The following UNC13B variants were observed in gnomAD, a reference collection of about 807,000 sequenced individuals.
The protein encoded by UNC13B is protein unc-13 homolog B.
Under a neutral mutation model 211.0 loss-of-function variants are expected in UNC13B, and 144 were observed. The observed-to-expected ratio is 0.68, with a 90% CI of 0.60 to 0.78. The LOEUF is 0.78. Ranked by LOEUF, UNC13B falls within the 30% of genes least tolerant of loss-of-function variation. The pLI, the probability that UNC13B is intolerant of heterozygous loss-of-function variation, is 0.00. For missense variants in UNC13B, 1,777 were observed against 2,002.0 expected (o/e 0.89, Z 2.14); for synonymous variants, 709 against 725.8 (o/e 0.98, Z 0.37).
intron 23 of UNC13B, 151 bp downstream of exon 23, chr9:35,385,964 G>T: frequency 7.2e-7 from 1 of 1,381,118 alleles, no homozygotes; most frequent in Non-Finnish European, 9.8e-7. Flanking sequence ...GGTTACTTCT[G>T]AGAGAGCACA....
chr9:35,257,025 A>G (rs1191445052), intron 6 of UNC13B, among the ~76,000 whole-genome samples: 1 of 152,100 alleles, frequency 6.6e-6, no homozygotes, highest in African/African-American at 2.4e-5. Context: ...TTAGGTCTGC[A>G]TTCTTCTTAA....
At position 35,353,067 on chromosome 9, in the gene UNC13B, C is replaced by A; in HGVS notation, c.9415-13880C>A. The stretch of plus-strand genomic sequence containing the variant: ...CTAGAGGACCTTTTGGCAGACAAGT[C>A]CAGAAGGCTTGCAGCTCTGAGCTGT... On this transcript the variant is annotated intron_variant, in intron 11 of 39. Transcript: ENST00000635942. The A allele has an allele frequency of 3.2e-6, 4 of 1,232,160 alleles. No individual in the cohort carries two copies. The Admixed American group carries it at 1.7e-4, about 52-fold the overall frequency. The allele number at this position is 1,232,160 out of a possible 1,614,324, so 76.3% of individuals were successfully genotyped here.
intron 16 of UNC13B, 121 bp from the exon 17 acceptor site, chr9:35,378,174 G>T: frequency 7.4e-7 from 1 of 1,346,322 alleles, no homozygotes; most frequent in South Asian, 1.5e-5. Flanking sequence ...TAAATATGGA[G>T]GAATGGGATT....
intron 1 of UNC13B, among the ~76,000 whole-genome samples, chr9:35,226,349 A>G (rs948466795): frequency 1.3e-5 from 2 of 152,068 alleles, no homozygotes; most frequent in Admixed American, 1.3e-4. Context: ...GACAGAACTG[A>G]TAGGGTGTGT....
At chr9:35,335,344 A>G (rs1350363740) in intron 11 of UNC13B, among the ~76,000 whole-genome samples, 6 of 152,220 alleles carry the variant, frequency 3.9e-5, no homozygotes, top group Non-Finnish European at 7.3e-5. Context: ...GGCCTCTTGC[A>G]AGTGGCATGT....
At chr9:35,334,619 A>G (rs1386876184) in intron 11 of UNC13B, among the ~76,000 whole-genome samples, 1 of 152,186 alleles carries the variant, frequency 6.6e-6, no homozygotes, top group Non-Finnish European at 1.5e-5. Context: ...TTCCTTGCAT[A>G]CTTACAGGCT....
At chr9:35,396,401 C>T in intron 26 of UNC13B, 75 bp from the exon 27 acceptor site, 1 of 1,590,506 alleles carries the variant, frequency 6.3e-7, no homozygotes, top group Non-Finnish European at 8.6e-7. Context: ...CTGACCAGAT[C>T]TGCTGCCTTG....
chr9:35,222,487 G>A (rs946627771), intron 1 of UNC13B, among the ~76,000 whole-genome samples: 6 of 152,110 alleles, frequency 3.9e-5, no homozygotes, highest in African/African-American at 2.4e-5. Context: ...TGTGCGCATG[G>A]GAGTCAAGCA....
intron 1 of UNC13B, among the ~76,000 whole-genome samples, chr9:35,197,677 G>T (rs1823021524): frequency 6.6e-6 from 1 of 151,680 alleles, no homozygotes; most frequent in Admixed American, 6.6e-5. Context: ...GGGCCATGGG[G>T]GCGGACTTCC....
At chr9:35,351,389 G>A in intron 11 of UNC13B, 13 of 1,228,998 alleles carry the variant, frequency 1.1e-5, no homozygotes, top group Non-Finnish European at 1.3e-5. Flanking sequence ...TAAGCCCAAA[G>A]CATCAGCCAG....
chr9:35,345,066 G>A (rs888882769), intron 11 of UNC13B, among the ~76,000 whole-genome samples: 1 of 152,208 alleles, frequency 6.6e-6, no homozygotes, highest in Admixed American at 6.5e-5. Flanking sequence ...AATTCTAGAG[G>A]AAGAGGATAG....
chr9:35,353,306 G>T, intron 11 of UNC13B: 1 of 1,232,224 alleles, frequency 8.1e-7, no homozygotes, highest in Non-Finnish European at 1.0e-6. Flanking sequence ...CTTTCGTTCT[G>T]CTCTGCAGGG....
chr9:35,275,694 G>C (rs1019710480), intron 7 of UNC13B, among the ~76,000 whole-genome samples: 1 of 152,170 alleles, frequency 6.6e-6, no homozygotes, highest in Admixed American at 6.5e-5. Context: ...CTGGGTTTAA[G>C]TGATTCCCCT....
intron 22 of UNC13B, 145 bp downstream of exon 22, chr9:35,384,459 C>A: frequency 7.1e-7 from 1 of 1,415,732 alleles, no homozygotes. Context: ...ATGCTACTGA[C>A]ACCTGTGGTT....
chr9:35,301,235 G>GAA lies in UNC13B; in HGVS notation c.1832_1833insAA (p.Asp611GlufsTer42), dbSNP rs1412964655. On this transcript the variant is annotated frameshift_variant, in exon 9 of 40. Transcript: ENST00000635942. LOFTEE classifies it high-confidence loss of function. Reference sequence around the variant, plus strand: ...TCAAAAAGATGATAATGTGAATATAGACAGACATAGAAAAACCTCTGAAAA... The same window carrying GAA: ...TCAAAAAGATGATAATGTGAATATAGAAACAGACATAGAAAAACCTCTGAAAA... The GAA allele has an allele frequency of 2.5e-6, 1 of 398,710 alleles. No individual in the cohort carries two copies. Among genetic ancestry groups the GAA allele is most frequent in the East Asian group, 3.6e-5 (1 of 28,078 alleles). 24.7% of individuals were successfully genotyped at this position (398,710 alleles called of 1,614,324 possible).
chr9:35,271,491 T>C (rs1236059912), intron 7 of UNC13B, among the ~76,000 whole-genome samples: 1 of 152,158 alleles, frequency 6.6e-6, no homozygotes, highest in African/African-American at 2.4e-5. Flanking sequence ...TTGCAACAAA[T>C]GGTATCAGTA....
intron 21 of UNC13B, among the ~76,000 whole-genome samples, chr9:35,382,827 G>C (rs1834948217): frequency 6.6e-6 from 1 of 152,254 alleles, no homozygotes; most frequent in African/African-American, 2.4e-5. Context: ...GCCTCCCAAA[G>C]GGCTGGGATT....
At chr9:35,230,961 C>T (rs1305416478) in intron 2 of UNC13B, among the ~76,000 whole-genome samples, 159 bp from the exon 3 acceptor site, 2 of 152,110 alleles carry the variant, frequency 1.3e-5, no homozygotes, top group Admixed American at 1.3e-4. Flanking sequence ...TTCGGCAACT[C>T]TGCTATGTCT....
chr9:35,187,998 A>G (rs1822453431), intron 1 of UNC13B, among the ~76,000 whole-genome samples: 1 of 152,244 alleles, frequency 6.6e-6, no homozygotes, highest in South Asian at 2.1e-4. Context: ...TAACTTACTC[A>G]ATTATTAAAG....
Sources: allele counts gnomAD v4.1 joint callset (sites outside exome capture counted in the v4.1 genomes callset), GRCh38; gene constraint gnomAD v4.1.1; transcripts MANE v1.5; gene names NCBI Gene and HGNC (gene_info 2026-07-23, HGNC 2026-07-21).